Variants in CALCR observed in about 807,000 individuals in gnomAD.
The protein encoded by CALCR is calcitonin receptor.
A neutral mutation model predicts 59.5 loss-of-function variants in CALCR; 47 were observed. That is an observed-to-expected ratio of 0.79 (90% confidence interval 0.63 to 1.01). The LOEUF is 1.01. Among genes scored for constraint, CALCR ranks in the 50% least tolerant of loss-of-function variants. CALCR has a pLI of 0.00. For synonymous variants in CALCR, 213 were observed against 211.3 expected (o/e 1.01, Z -0.07); for missense variants, 566 against 597.1 (o/e 0.95, Z 0.54).
At chr7:93,556,195 GA>G (rs1789600723) in intron 2 of CALCR, among the ~76,000 whole-genome samples, 1 of 152,172 alleles carries the variant, frequency 6.6e-6, no homozygotes, top group South Asian at 2.1e-4. Flanking sequence ...GATGAAAACA[GA>G]AATGGAATTT....
chr7:93,455,589 C>A (rs1293833164), intron 8 of CALCR, among the ~76,000 whole-genome samples: 1 of 151,988 alleles, frequency 6.6e-6, no homozygotes, highest in Non-Finnish European at 1.5e-5. Context: ...ATGTTGATGA[C>A]ATGATTCTCA....
At chr7:93,541,661 A>G (rs1789142323) in intron 2 of CALCR, among the ~76,000 whole-genome samples, 1 of 152,216 alleles carries the variant, frequency 6.6e-6, no homozygotes, top group African/African-American at 2.4e-5. Context: ...GGACACCACA[A>G]GATTGTGACT....
rs577807320 is a variant in CALCR at position 93,570,748 on chromosome 7, T to A, written c.-27+3541A>T. ...GACTAGGAAGTGCTGCCAGCTTCAA[T>A]GAGGTATATGTTGCCTTGCCAACTT... is the stretch of plus-strand genomic sequence containing the variant. On this transcript the variant is annotated intron_variant, in intron 2 of 13. Transcript: ENST00000426151. Among the ~76,000 whole-genome samples the A allele has an allele frequency of 4.6e-5, 7 of 152,268 alleles. No homozygotes were observed. In the East Asian group the frequency reaches 1.4e-3, roughly 29 times the overall value.
chr7:93,549,782 T>A (rs1789397996), intron 2 of CALCR, among the ~76,000 whole-genome samples: 1 of 152,154 alleles, frequency 6.6e-6, no homozygotes, highest in Admixed American at 6.6e-5. Flanking sequence ...CTAACCGAGA[T>A]GTAAACACCA....
intron 9 of CALCR, among the ~76,000 whole-genome samples, chr7:93,439,440 G>C (rs1234167659): frequency 2.6e-5 from 4 of 152,102 alleles, no homozygotes; most frequent in Admixed American, 6.6e-5. Context: ...TAGAGAGAAA[G>C]AGAAGTATAT....
At chr7:93,427,317 G>C (rs1293901198) in intron 13 of CALCR, among the ~76,000 whole-genome samples, 3 of 152,138 alleles carry the variant, frequency 2.0e-5, no homozygotes, top group African/African-American at 7.2e-5. Flanking sequence ...TGCTTGTCTA[G>C]CTCTGCTTTT....
chr7:93,558,332 CT>C (rs1282178086), intron 2 of CALCR, among the ~76,000 whole-genome samples: 1 of 151,872 alleles, frequency 6.6e-6, no homozygotes, highest in African/African-American at 2.4e-5. Flanking sequence ...TTGGTAGAAT[CT>C]TTATTTCTTT....
At chr7:93,538,401 A>G (rs1011553809) in intron 2 of CALCR, among the ~76,000 whole-genome samples, 2 of 151,942 alleles carry the variant, frequency 1.3e-5, no homozygotes, top group Non-Finnish European at 2.9e-5. Flanking sequence ...TATGATAGTT[A>G]TTCTTCTTCC....
intron 2 of CALCR, among the ~76,000 whole-genome samples, chr7:93,495,566 A>G (rs1019816967): frequency 6.6e-6 from 1 of 151,432 alleles, no homozygotes; most frequent in African/African-American, 2.4e-5. Flanking sequence ...TTTTGAACAA[A>G]GAGTTTCACT....
chr7:93,431,658 A>C (rs1799661012), intron 13 of CALCR, among the ~76,000 whole-genome samples: 1 of 152,332 alleles, frequency 6.6e-6, no homozygotes, highest in East Asian at 1.9e-4. Flanking sequence ...GCTGTAAACC[A>C]CTAGAGGCTG....
chr7:93,467,218 T>C (rs1800458599), intron 7 of CALCR, among the ~76,000 whole-genome samples: 1 of 151,860 alleles, frequency 6.6e-6, no homozygotes, highest in Admixed American at 6.6e-5. Context: ...ATTCTGATCA[T>C]TATCATTGAA....
chr7:93,538,030 A>G (rs952869711), intron 2 of CALCR, among the ~76,000 whole-genome samples: 1 of 152,018 alleles, frequency 6.6e-6, no homozygotes, highest in Non-Finnish European at 1.5e-5. Context: ...TTTAAAAGAA[A>G]TCACTAAACT....
intron 2 of CALCR, among the ~76,000 whole-genome samples, chr7:93,558,458 T>C (rs528006418): frequency 2.6e-4 from 40 of 152,084 alleles, no homozygotes; most frequent in Non-Finnish European, 5.1e-4. Flanking sequence ...CTTTAGTGAG[T>C]TAGAAGAATG....
chr7:93,478,936 C>T (rs938265019), intron 4 of CALCR, among the ~76,000 whole-genome samples: 9 of 151,670 alleles, frequency 5.9e-5, no homozygotes, highest in African/African-American at 1.9e-4. Context: ...GTATGGGTTG[C>T]CAACCAATTG....
chr7:93,447,489 T>C (rs1281721229), intron 8 of CALCR, among the ~76,000 whole-genome samples: 1 of 151,960 alleles, frequency 6.6e-6, no homozygotes, highest in Admixed American at 6.6e-5. Context: ...AGGTAATCAA[T>C]GTTTTGAGGT....
At chr7:93,519,950 A>G (rs930068456) in intron 2 of CALCR, among the ~76,000 whole-genome samples, 1 of 152,042 alleles carries the variant, frequency 6.6e-6, no homozygotes, top group African/African-American at 2.4e-5. Flanking sequence ...TCTTTCCTCT[A>G]TAAATTACCC....
chr7:93,515,327 C>CTAGGCATCATCAG (rs1467832780), intron 2 of CALCR, among the ~76,000 whole-genome samples: 4 of 151,908 alleles, frequency 2.6e-5, no homozygotes, highest in Non-Finnish European at 5.9e-5. Flanking sequence ...AGATGAACTC[C>CTAGGCATCATCAG]TAGGCATCAT....
chr7:93,453,262 A>G (rs73419394), intron 8 of CALCR, among the ~76,000 whole-genome samples: 4,109 of 152,136 alleles, frequency 0.027, 190 homozygotes, highest in African/African-American at 0.092. Context: ...CTTTAGGCAT[A>G]TTAGCTTATT....
chr7:93,481,758 C>G (rs1057227153), intron 3 of CALCR, among the ~76,000 whole-genome samples: 1 of 151,864 alleles, frequency 6.6e-6, no homozygotes, highest in Non-Finnish European at 1.5e-5. Flanking sequence ...TTGTTGATTT[C>G]TAATTTTAAT....
Sources: allele counts gnomAD v4.1 joint callset (sites outside exome capture counted in the v4.1 genomes callset), GRCh38; gene constraint gnomAD v4.1.1; transcripts MANE v1.5; gene names NCBI Gene and HGNC (gene_info 2026-07-23, HGNC 2026-07-21).